The following FAM133B variants were observed in gnomAD, a reference collection of about 807,000 sequenced individuals.
FAM133B encodes the protein protein FAM133B.
FAM133B carries 25 observed loss-of-function variants against 46.4 expected under a neutral mutation model. The observed-to-expected ratio is 0.54, with a 90% CI of 0.39 to 0.75. FAM133B has a LOEUF of 0.75. Ranked by LOEUF, FAM133B falls within the 30% of genes least tolerant of loss-of-function variation. The probability of loss-of-function intolerance (pLI) is 0.00; values close to 1 mark genes in which losing one functional copy is unlikely to be tolerated. For missense variants in FAM133B, 205 were observed against 277.6 expected (o/e 0.74, Z 1.86); for synonymous variants, 75 against 86.0 (o/e 0.87, Z 0.71).
At chr7:92,584,252 G>T (rs926747238) in intron 1 of FAM133B, among the ~76,000 whole-genome samples, 6 of 151,890 alleles carry the variant, frequency 4.0e-5, no homozygotes, top group African/African-American at 9.7e-5. Context: ...TAAATAAAAA[G>T]AATTTTGATT....
chr7:92,573,586 T>G (rs1794602899), intron 8 of FAM133B, among the ~76,000 whole-genome samples: 1 of 152,072 alleles, frequency 6.6e-6, no homozygotes, highest in Non-Finnish European at 1.5e-5. Context: ...TATCTAATAT[T>G]TTAAGTACTT....
intron 5 of FAM133B, 101 bp from the exon 6 acceptor site, chr7:92,577,818 A>C: frequency 1.1e-6 from 1 of 893,254 alleles, no homozygotes; most frequent in Non-Finnish European, 1.7e-6. Context: ...GTGTCTGAGA[A>C]ACAGATGCCA....
chr7:92,585,238 G>A, intron 1 of FAM133B: 2 of 349,214 alleles, frequency 5.7e-6, no homozygotes, highest in Non-Finnish European at 8.0e-6. Context: ...TGCAAATATA[G>A]GTCACCAGGA....
At chr7:92,586,768 T>A (rs1477308115) in intron 1 of FAM133B, among the ~76,000 whole-genome samples, 1 of 152,208 alleles carries the variant, frequency 6.6e-6, no homozygotes, top group East Asian at 1.9e-4. Flanking sequence ...ATTTGTCAAT[T>A]TGATTACCTA....
intron 1 of FAM133B, among the ~76,000 whole-genome samples, chr7:92,584,481 C>T (rs1794983291): frequency 6.6e-6 from 1 of 152,022 alleles, no homozygotes; most frequent in South Asian, 2.1e-4. Context: ...GAACTATTAC[C>T]ATTCAACTGA....
chr7:92,575,740 C>T (rs199977160), intron 8 of FAM133B, 31 bp downstream of exon 8: 65 of 1,187,330 alleles, frequency 5.5e-5, no homozygotes, highest in Admixed American at 7.9e-5. Flanking sequence ...ATATGACAGA[C>T]TATCTTAAGG....
intron 10 of FAM133B, chr7:92,565,789 T>C: frequency 1.8e-6 from 1 of 557,376 alleles, no homozygotes. Context: ...AACAGTAAAA[T>C]ACTGAAATGG....
At chr7:92,583,168 AC>A (rs1489074767) in intron 1 of FAM133B, among the ~76,000 whole-genome samples, 1 of 152,244 alleles carries the variant, frequency 6.6e-6, no homozygotes, top group Non-Finnish European at 1.5e-5. Flanking sequence ...CAATTCTGAT[AC>A]ATACTATATG....
At position 92,589,622 on chromosome 7, in the gene FAM133B, C is replaced by T. The variant is rs1403014083; in HGVS notation, c.24+646G>A. Among the ~76,000 whole-genome samples, 8 of 152,284 alleles carry T rather than the reference C, an allele frequency of 5.3e-5. No individual in the cohort carries two copies. In the South Asian group the frequency reaches 1.5e-3, roughly 28 times the overall value. On this transcript the variant is annotated intron_variant, in intron 1 of 10. Transcript: ENST00000445716. ...TTCCGACGGAACAAAACTGACATTCCAGTTTTGTGTTGGACTCGAAAGCCA... is the reference window on the plus strand; with the variant it reads ...TTCCGACGGAACAAAACTGACATTCTAGTTTTGTGTTGGACTCGAAAGCCA...
intron 10 of FAM133B, 62 bp from the exon 11 acceptor site, chr7:92,562,430 T>C: frequency 6.7e-7 from 1 of 1,500,472 alleles, no homozygotes; most frequent in Non-Finnish European, 8.8e-7. Flanking sequence ...AAAGCATCTT[T>C]ACCATGCTTC....
At chr7:92,573,052 T>C (rs1794582026) in intron 8 of FAM133B, among the ~76,000 whole-genome samples, 1 of 151,874 alleles carries the variant, frequency 6.6e-6, no homozygotes. Flanking sequence ...CTCAATATTC[T>C]GTTATTTATG....
intron 1 of FAM133B, among the ~76,000 whole-genome samples, chr7:92,583,234 A>G (rs1028302407): frequency 1.3e-5 from 2 of 152,214 alleles, no homozygotes; most frequent in Admixed American, 6.5e-5. Flanking sequence ...GAAAAACACA[A>G]AAGAACAAAT....
At chr7:92,583,248 T>C (rs976578273) in intron 1 of FAM133B, among the ~76,000 whole-genome samples, 14 of 152,134 alleles carry the variant, frequency 9.2e-5, no homozygotes, top group African/African-American at 1.4e-4. Flanking sequence ...AACAAATATA[T>C]GATTCCATTT....
chr7:92,583,278 G>T lies in FAM133B; in HGVS notation c.25-1675C>A, dbSNP rs576308771. The stretch of plus-strand genomic sequence containing the variant: ...CCATTTATATGAGATACCTAGAAAA[G>T]AAAGTAGAATGGAGGTTAACCAGGG... On this transcript the variant is annotated intron_variant, in intron 1 of 10. Coordinates refer to ENST00000445716, the MANE Select transcript of FAM133B (RefSeq NM_152789.4). Among the ~76,000 whole-genome samples, 3 of 152,294 alleles carry T rather than the reference G, an allele frequency of 2.0e-5. No individual in the cohort carries two copies. The East Asian group carries it at 5.8e-4, about 29-fold the overall frequency.
intron 8 of FAM133B, among the ~76,000 whole-genome samples, chr7:92,571,848 C>T (rs1794540955): frequency 6.6e-6 from 1 of 152,122 alleles, no homozygotes; most frequent in South Asian, 2.1e-4. Flanking sequence ...CACGTTATGA[C>T]TCTCCATTTA....
chr7:92,574,194 G>A (rs1461947502), intron 8 of FAM133B, among the ~76,000 whole-genome samples: 1 of 152,076 alleles, frequency 6.6e-6, no homozygotes, highest in Non-Finnish European at 1.5e-5. Context: ...ATCAACAAAT[G>A]AATGGATGGC....
At chr7:92,574,725 G>A (rs1427908571) in intron 8 of FAM133B, among the ~76,000 whole-genome samples, 15 of 151,202 alleles carry the variant, frequency 9.9e-5, no homozygotes, top group Non-Finnish European at 2.1e-4. Flanking sequence ...CTAACAAGGT[G>A]AAACCCCGTC....
At chr7:92,574,305 A>C (rs973410693) in intron 8 of FAM133B, among the ~76,000 whole-genome samples, 2 of 152,238 alleles carry the variant, frequency 1.3e-5, no homozygotes, top group African/African-American at 4.8e-5. Context: ...ATACTATGCC[A>C]GCTGAAAGAC....
At chr7:92,584,086 C>G (rs1342795579) in intron 1 of FAM133B, among the ~76,000 whole-genome samples, 1 of 143,184 alleles carries the variant, frequency 7.0e-6, no homozygotes, top group Non-Finnish European at 1.5e-5. Flanking sequence ...AAGGGTCTTG[C>G]TCTTTTGCCC....
Sources: allele counts gnomAD v4.1 joint callset (sites outside exome capture counted in the v4.1 genomes callset), GRCh38; gene constraint gnomAD v4.1.1; transcripts MANE v1.5; gene names NCBI Gene and HGNC (gene_info 2026-07-23, HGNC 2026-07-21).